The following HECW2 variants were observed in gnomAD, a reference collection of about 807,000 sequenced individuals.
The protein encoded by HECW2 is HECT, C2 and WW domain containing E3 ubiquitin protein ligase 2.
A neutral mutation model predicts 175.2 loss-of-function variants in HECW2; 61 were observed. The observed-to-expected ratio is 0.35, with a 90% CI of 0.28 to 0.43. The LOEUF (loss-of-function observed/expected upper bound fraction) is 0.43, where lower values mean the gene tolerates loss of function less well. Among genes scored for constraint, HECW2 ranks in the 20% least tolerant of loss-of-function variants. The pLI is 1.00. For missense variants in HECW2, 1,524 were observed against 2,000.5 expected, an observed-to-expected ratio of 0.76 and a Z score of 4.54; for synonymous variants, 671 against 731.0, an observed-to-expected ratio of 0.92 and a Z score of 1.32.
rs543082520 is a variant in HECW2, at chr2:196,231,869, G to A, written c.3765-3615C>T. On this transcript the variant is annotated intron_variant, in intron 21 of 28. Transcript: ENST00000644978. ...CAGAATGTGGTGGTGGGCGCCTGTAGTCCCAGCTACTTGGGAGGCTGAGGC... is the reference window on the plus strand; with the variant it reads ...CAGAATGTGGTGGTGGGCGCCTGTAATCCCAGCTACTTGGGAGGCTGAGGC... 1.6e-4 allele frequency among the ~76,000 whole-genome samples: 25 copies of A among 151,920 alleles called. No homozygotes were observed. In the South Asian group the frequency reaches 5.0e-3, roughly 30 times the overall value.
At chr2:196,311,898 T>C (rs1359875749) in intron 10 of HECW2, among the ~76,000 whole-genome samples, 5 of 152,118 alleles carry the variant, frequency 3.3e-5, no homozygotes, top group Non-Finnish European at 7.3e-5. Flanking sequence ...AAATAGGCGC[T>C]TTTCAGTGGC....
chr2:196,306,413 C>T (rs1691263807), intron 13 of HECW2, 75 bp downstream of exon 13: 9 of 1,401,114 alleles, frequency 6.4e-6, no homozygotes, highest in Non-Finnish European at 8.9e-6. Context: ...ATCATTCCTG[C>T]TATTACTACA....
chr2:196,424,843 C>T (rs1288851800), intron 2 of HECW2, among the ~76,000 whole-genome samples: 1 of 152,160 alleles, frequency 6.6e-6, no homozygotes, highest in African/African-American at 2.4e-5. Flanking sequence ...TCCAGAAGAT[C>T]TAGCTAAGAT....
chr2:196,324,710 G>A (rs1334240107), intron 6 of HECW2, among the ~76,000 whole-genome samples: 3 of 151,820 alleles, frequency 2.0e-5, no homozygotes, highest in Non-Finnish European at 1.5e-5. Flanking sequence ...CATTAATTGT[G>A]AGTTAAAAAA....
chr2:196,279,202 C>T (rs897072829), intron 14 of HECW2, among the ~76,000 whole-genome samples: 5 of 152,064 alleles, frequency 3.3e-5, no homozygotes, highest in African/African-American at 1.2e-4. Flanking sequence ...GCGCCCACCA[C>T]CACGCCCGGC....
intron 28 of HECW2, 40 bp from the exon 29 acceptor site, chr2:196,201,428 G>T: frequency 7.0e-7 from 1 of 1,423,114 alleles, no homozygotes; most frequent in Non-Finnish European, 9.9e-7. Flanking sequence ...AGAACAGGCC[G>T]AGTGAAATGA....
intron 2 of HECW2, chr2:196,362,090 CTAACAA>C: frequency 1.0e-6 from 1 of 985,372 alleles, no homozygotes; most frequent in Non-Finnish European, 1.2e-6. Context: ...CGGCAGGTCT[CTAACAA>C]GAGGCTCCTG....
chr2:196,437,003 C>A (rs1695896702), intron 1 of HECW2, among the ~76,000 whole-genome samples: 1 of 152,066 alleles, frequency 6.6e-6, no homozygotes, highest in Admixed American at 6.5e-5. Context: ...CATCAGGTAT[C>A]TCGAGTAAGC....
chr2:196,341,402 G>A (rs891725140), intron 3 of HECW2, among the ~76,000 whole-genome samples: 9 of 150,240 alleles, frequency 6.0e-5, no homozygotes, highest in East Asian at 3.8e-4. Flanking sequence ...GAATCACACT[G>A]AAAGTAAAAC....
chr2:196,273,972 C>A, intron 16 of HECW2, 49 bp downstream of exon 16: 2 of 1,339,934 alleles, frequency 1.5e-6, no homozygotes, highest in Non-Finnish European at 2.1e-6. Flanking sequence ...GTACATGGTA[C>A]AGATAATGGC....
chr2:196,413,806 T>C (rs1695180689), intron 2 of HECW2, among the ~76,000 whole-genome samples: 1 of 152,242 alleles, frequency 6.6e-6, no homozygotes, highest in South Asian at 2.1e-4. Flanking sequence ...GCTCTCCCTG[T>C]ATTCTCTGAG....
At chr2:196,300,753 G>C (rs150042701) in intron 13 of HECW2, among the ~76,000 whole-genome samples, 2,160 of 152,036 alleles carry the variant, frequency 0.014, 46 homozygotes, top group African/African-American at 0.05. Flanking sequence ...ATATATGTGT[G>C]TGTATAAACA....
intron 14 of HECW2, chr2:196,292,357 C>T (rs1194293310): frequency 2.1e-5 from 10 of 487,610 alleles, no homozygotes; most frequent in Non-Finnish European, 3.3e-5. Context: ...CGTCACAGCC[C>T]TCCCTCCGCT....
intron 14 of HECW2, among the ~76,000 whole-genome samples, chr2:196,285,111 T>C (rs1004153629): frequency 3.3e-5 from 5 of 152,242 alleles, no homozygotes; most frequent in Non-Finnish European, 7.3e-5. Context: ...TGGAGCCAAG[T>C]GGTATTTTAG....
chr2:196,432,931 G>A (rs1272734285), intron 2 of HECW2, among the ~76,000 whole-genome samples: 1 of 152,130 alleles, frequency 6.6e-6, no homozygotes, highest in African/African-American at 2.4e-5. Flanking sequence ...AGGTAGAGAT[G>A]TAACCACAAA....
At chr2:196,400,944 C>T (rs1211141760) in intron 2 of HECW2, among the ~76,000 whole-genome samples, 4 of 152,044 alleles carry the variant, frequency 2.6e-5, no homozygotes, top group African/African-American at 9.7e-5. Flanking sequence ...TGATATATGC[C>T]CTAATCATTC....
intron 2 of HECW2, among the ~76,000 whole-genome samples, chr2:196,427,316 AAAT>A (rs1371009208): frequency 2.2e-4 from 1 of 4,576 alleles, no homozygotes; most frequent in Non-Finnish European, 0.012. Flanking sequence ...CAAAATTAAA[AAAT>A]AAATAATTGT....
At chr2:196,586,045 G>A (rs770332377) in intron 1 of HECW2, among the ~76,000 whole-genome samples, 9 of 152,004 alleles carry the variant, frequency 5.9e-5, no homozygotes, top group Admixed American at 2.0e-4. Context: ...ATATACACTC[G>A]TGTCTACTCC....
At chr2:196,397,594 T>C (rs745374915) in intron 2 of HECW2, among the ~76,000 whole-genome samples, 18 of 152,256 alleles carry the variant, frequency 1.2e-4, no homozygotes, top group Non-Finnish European at 2.2e-4. Context: ...TGGCTCTCTA[T>C]ACAACCTCCA....
Sources: allele counts gnomAD v4.1 joint callset (sites outside exome capture counted in the v4.1 genomes callset), GRCh38; gene constraint gnomAD v4.1.1; transcripts MANE v1.5; gene names NCBI Gene and HGNC (gene_info 2026-07-23, HGNC 2026-07-21).